The following ADAM18 variants were observed in gnomAD, a reference collection of about 807,000 sequenced individuals.
ADAM18 encodes the protein disintegrin and metalloproteinase domain-containing protein 18.
A neutral mutation model predicts 94.4 loss-of-function variants in ADAM18; 117 were observed. The observed-to-expected ratio is 1.24, with a 90% confidence interval of 1.07 to 1.45. The LOEUF (loss-of-function observed/expected upper bound fraction) is 1.45. Ranked by LOEUF, ADAM18 falls within the 40% of genes most tolerant of loss-of-function variation. ADAM18 has a pLI of 0.00. For missense variants in ADAM18, 936 were observed against 880.0 expected (o/e 1.06, Z -0.81); for synonymous variants, 327 against 291.6 (o/e 1.12, Z -1.24).
chr8:39,701,230 AAT>A (rs1353960364), intron 17 of ADAM18, among the ~76,000 whole-genome samples: 2 of 150,132 alleles, frequency 1.3e-5, no homozygotes, highest in African/African-American at 4.9e-5. Flanking sequence ...TTTTTCTAAA[AAT>A]ATATATATTT....
At chr8:39,609,433 A>G (rs1297361675) in intron 4 of ADAM18, 52 bp from the exon 5 acceptor site, 8 of 1,284,148 alleles carry the variant, frequency 6.2e-6, no homozygotes, top group Non-Finnish European at 9.0e-6. Flanking sequence ...TTGACAATAC[A>G]TTTTTTATTC....
intron 12 of ADAM18, among the ~76,000 whole-genome samples, chr8:39,662,669 G>A (rs1179440853): frequency 2.0e-5 from 3 of 152,168 alleles, no homozygotes; most frequent in Non-Finnish European, 4.4e-5. Context: ...CTGTCACCCA[G>A]GCTGGAGTGC....
At chr8:39,706,731 C>CT (rs1822251955) in intron 17 of ADAM18, 59 bp from the exon 18 acceptor site, 2 of 852,176 alleles carry the variant, frequency 2.3e-6, no homozygotes, top group Non-Finnish European at 3.8e-6. Context: ...ATACAAAGAC[C>CT]TTGTATCAGA....
chr8:39,644,102 A>G (rs1264207115), intron 10 of ADAM18, among the ~76,000 whole-genome samples: 1 of 152,094 alleles, frequency 6.6e-6, no homozygotes, highest in Non-Finnish European at 1.5e-5. Context: ...TATGCATTAC[A>G]CAGATTTTCT....
intron 15 of ADAM18, among the ~76,000 whole-genome samples, chr8:39,679,338 CA>C (rs1184939195): frequency 1.3e-5 from 2 of 151,936 alleles, no homozygotes; most frequent in East Asian, 3.9e-4. Context: ...ATTTCAAGTA[CA>C]AAAAGTGACA....
At position 39,614,383 on chromosome 8, in the gene ADAM18, G is replaced by A. The variant is rs113420170; in HGVS notation, c.522+3677G>A. 9.2e-5 allele frequency among the ~76,000 whole-genome samples: 14 copies of A among 152,258 alleles called. 1 individual carries two copies. Among genetic ancestry groups the A allele is most frequent in the African/African-American group, 3.4e-4 (14 of 41,558 alleles). Reference sequence around the variant, plus strand: ...TATCCATCCAAACTAAACTTCATAAGCAAAGAAGAAATAAAATCCTTTTCA... The same window carrying A: ...TATCCATCCAAACTAAACTTCATAAACAAAGAAGAAATAAAATCCTTTTCA... On this transcript the variant is annotated intron_variant, in intron 6 of 19. Coordinates refer to ENST00000265707, the MANE Select transcript of ADAM18 (RefSeq NM_014237.3).
At position 39,716,985 on chromosome 8, in the gene ADAM18, A is replaced by G. The variant is rs1446526050; in HGVS notation, c.2018-6763A>G. Reference sequence around the variant, plus strand: ...TTTTTGACAGTCTATTTTGTCTGATATAAGTCTGACCACTTATGCTCCATT... The same window carrying G: ...TTTTTGACAGTCTATTTTGTCTGATGTAAGTCTGACCACTTATGCTCCATT... On this transcript the variant is annotated intron_variant, in intron 18 of 19. Transcript: ENST00000265707. 2.0e-5 allele frequency among the ~76,000 whole-genome samples: 3 copies of G among 151,928 alleles called. No homozygotes were observed. In the South Asian group the frequency reaches 6.2e-4, roughly 31 times the overall value.
At chr8:39,584,778 C>A in intron 1 of ADAM18, 101 bp downstream of exon 1, 3 of 1,338,686 alleles carry the variant, frequency 2.2e-6, no homozygotes, top group South Asian at 1.2e-5. Flanking sequence ...CCCCCTCTCC[C>A]TTCTGGGATC....
rs72204674 is a variant in ADAM18, at chr8:39,647,234, C to CAAA, written c.1047-1095_1047-1093dup. Among the ~76,000 whole-genome samples the CAAA allele has an allele frequency of 6.6e-3, 852 of 130,050 alleles. 12 individuals are homozygous for CAAA. The highest frequency in any genetic ancestry group is 0.025 in the Middle Eastern group (6 of 242). 85.3% of individuals were successfully genotyped at this position (130,050 alleles called of 152,430 possible). A position where few individuals can be genotyped will look rare whatever the true frequency, so the allele number is the denominator to read the frequency against. ...AGAGTGATAATAAGGAGAAAGTCAG[C>CAAA]AAAAAAAAAAAAAAAAATCTGAGCA... On this transcript the variant is annotated intron_variant, in intron 11 of 19. Transcript: ENST00000265707.
chr8:39,617,491 A>C (rs1231253418), intron 6 of ADAM18, among the ~76,000 whole-genome samples: 3 of 152,204 alleles, frequency 2.0e-5, no homozygotes, highest in Admixed American at 1.3e-4. Context: ...TATTGGGTAT[A>C]TACCCAAAGG....
rs528342311 is a variant in ADAM18 at position 39,638,536 on chromosome 8, G to T, written c.899G>T (p.Gly300Val). ...GTATGCAATAAAAGCTATGATGCAG[G>T]TATTGCTATGGTATGTAATTTTTAT... Reference protein sequence around the residue: ...GTVCNKSYDAGIAMYPDAIGL... With the variant: ...GTVCNKSYDAVIAMYPDAIGL... The change falls in exon 10 of 20, where the codon GGT becomes GTT. Residue 300 changes from glycine (G) to valine (V), a missense_variant. Physicochemically the swap from Gly to Val is moderately radical, Grantham distance 109. Transcript: ENST00000265707. 1.1e-5 allele frequency: 17 copies of T among 1,563,576 alleles called. No homozygotes were observed. The South Asian group carries it at 1.6e-4, about 15-fold the overall frequency.
intron 17 of ADAM18, among the ~76,000 whole-genome samples, chr8:39,701,267 C>G (rs1822069947): frequency 7.0e-6 from 1 of 142,814 alleles, no homozygotes; most frequent in Non-Finnish European, 1.5e-5. Flanking sequence ...TTTTCTCATT[C>G]TTATTTTTGA....
At chr8:39,588,324 T>C (rs538795577) in intron 2 of ADAM18, among the ~76,000 whole-genome samples, 1 of 152,146 alleles carries the variant, frequency 6.6e-6, no homozygotes, top group Non-Finnish European at 1.5e-5. Flanking sequence ...ATTAATGATA[T>C]TGAGTACTAT....
chr8:39,592,707 A>C (rs146335582), intron 2 of ADAM18, among the ~76,000 whole-genome samples: 1 of 152,332 alleles, frequency 6.6e-6, no homozygotes, highest in East Asian at 1.9e-4. Context: ...GGATGGGGAC[A>C]GAATACCTAC....
chr8:39,687,414 C>G (rs748056546), intron 16 of ADAM18, among the ~76,000 whole-genome samples: 22 of 152,266 alleles, frequency 1.4e-4, no homozygotes, highest in African/African-American at 5.3e-4. Flanking sequence ...TTATTAATTT[C>G]TTGTCATCTC....
chr8:39,665,116 C>A (rs1310658728), intron 13 of ADAM18, among the ~76,000 whole-genome samples: 1 of 152,112 alleles, frequency 6.6e-6, no homozygotes, highest in East Asian at 1.9e-4. Flanking sequence ...ACCCGCAGCC[C>A]CTGGTAACCA....
At position 39,637,436 on chromosome 8, in the gene ADAM18, T is replaced by A; in HGVS notation, c.660+101T>A. The A allele has an allele frequency of 9.3e-6, 13 of 1,399,352 alleles. No individual in the cohort carries two copies. The South Asian group carries it at 1.8e-4, about 19-fold the overall frequency. The allele number at this position is 1,399,352 out of a possible 1,614,324, so 86.7% of individuals were successfully genotyped here. A position where few individuals can be genotyped will look rare whatever the true frequency, so the allele number is the denominator to read the frequency against. On this transcript the variant is annotated intron_variant, in intron 8 of 19. Transcript: ENST00000265707. ...GAATAACTTAAATACTTTTTATTAG[T>A]TTAATACTGAAAATACTGGAACATG...
At position 39,638,462 on chromosome 8, in the gene ADAM18, T is replaced by A. The variant is rs1281856138; in HGVS notation, c.828-3T>A. The A allele has an allele frequency of 1.3e-6, 2 of 1,539,506 alleles. No homozygotes were observed. The highest frequency in any genetic ancestry group is 2.5e-5 in the South Asian group (2 of 78,900). On this transcript the variant is annotated splice_region_variant and splice_polypyrimidine_tract_variant and intron_variant, in intron 9 of 19. Coordinates refer to ENST00000265707, the MANE Select transcript of ADAM18 (RefSeq NM_014237.3). ...ACGTTAATAAAAAATTATAATAATG[T>A]AGTTACAGGAAACATCCTAAATATG... is the stretch of plus-strand genomic sequence containing the variant.
chr8:39,660,775 T>C (rs1452722749), intron 12 of ADAM18, among the ~76,000 whole-genome samples: 1 of 152,112 alleles, frequency 6.6e-6, no homozygotes, highest in Admixed American at 6.5e-5. Context: ...AAATATAAAA[T>C]AAGCATTAAA....
Sources: gnomAD v4.1 joint callset for allele counts (sites outside exome capture counted in the v4.1 genomes callset) on GRCh38, gnomAD v4.1.1 for gene constraint, MANE v1.5 for transcripts, NCBI Gene and HGNC (gene_info 2026-07-23, HGNC 2026-07-21) for gene names.